Variants in GALM observed in about 807,000 individuals in gnomAD.
The protein encoded by GALM is galactose mutarotase.
GALM carries 43 observed loss-of-function variants against 37.4 expected under a neutral mutation model. That is an observed-to-expected ratio of 1.15 (90% CI 0.90 to 1.48). GALM has a LOEUF of 1.48. GALM is among the 40% of genes most tolerant of loss of function. The pLI, the probability that GALM is intolerant of heterozygous loss-of-function variation, is 0.00. For synonymous variants in GALM, 199 were observed against 170.6 expected, an observed-to-expected ratio of 1.17 and a Z score of -1.30; for missense variants, 456 against 419.1, an observed-to-expected ratio of 1.09 and a Z score of -0.77.
At position 38,733,822 on chromosome 2, in the gene GALM, C is replaced by T; in HGVS notation, c.*257C>T. The T allele has an allele frequency of 4.2e-6, 2 of 471,110 alleles. No individual in the cohort carries two copies. Among genetic ancestry groups the T allele is most frequent in the Non-Finnish European group, 7.8e-6 (2 of 257,324 alleles). The allele number at this position is 471,110 out of a possible 1,614,324, so 29.2% of individuals were successfully genotyped here. ...CAACCAACAATGTCGTCATCTAAGCCCTGACCCTAGCCAGGGACTCCCATG... is the reference window on the plus strand; with the variant it reads ...CAACCAACAATGTCGTCATCTAAGCTCTGACCCTAGCCAGGGACTCCCATG... On this transcript the variant is annotated 3_prime_UTR_variant, in exon 7 of 7. Transcript: ENST00000272252.
chr2:38,704,139 T>C (rs1038847445), intron 4 of GALM, among the ~76,000 whole-genome samples: 3 of 151,944 alleles, frequency 2.0e-5, no homozygotes, highest in Admixed American at 6.5e-5. Context: ...TTATCTTTTT[T>C]CCTCTTTCAA....
At chr2:38,696,436 T>TTC (rs1665807412) in intron 4 of GALM, among the ~76,000 whole-genome samples, 1 of 148,118 alleles carries the variant, frequency 6.8e-6, no homozygotes, top group Non-Finnish European at 1.5e-5. Flanking sequence ...TTCTTTTCTT[T>TTC]TTTTTTTTTT....
At chr2:38,704,732 T>C (rs1362909296) in intron 4 of GALM, among the ~76,000 whole-genome samples, 5 of 151,824 alleles carry the variant, frequency 3.3e-5, no homozygotes, top group African/African-American at 1.2e-4. Flanking sequence ...AGTAAAAAAG[T>C]TAAACTCATG....
intron 4 of GALM, among the ~76,000 whole-genome samples, chr2:38,712,758 G>GA (rs1666196488): frequency 6.6e-6 from 1 of 152,194 alleles, no homozygotes; most frequent in African/African-American, 2.4e-5. Flanking sequence ...AGGAGCGCAG[G>GA]ACAGCAATCT....
chr2:38,677,053 C>A (rs1665276583), intron 2 of GALM, among the ~76,000 whole-genome samples: 1 of 152,218 alleles, frequency 6.6e-6, no homozygotes, highest in African/African-American at 2.4e-5. Context: ...ATTCTTTAAG[C>A]AGATCCCTAG....
In GALM at chr2:38,674,222, G is replaced by A. The variant is rs1421361393; in HGVS notation, c.191-1690G>A. ...TTTTTTTTTTTTTTGAGACAGTCTCGCTCTGTCGCCAGGCTGGAGTGCAAT... is the reference window on the plus strand; with the variant it reads ...TTTTTTTTTTTTTTGAGACAGTCTCACTCTGTCGCCAGGCTGGAGTGCAAT... On this transcript the variant is annotated intron_variant, in intron 1 of 6. Coordinates refer to ENST00000272252, the MANE Select transcript of GALM (RefSeq NM_138801.3). Among the ~76,000 whole-genome samples the A allele has an allele frequency of 6.4e-5, 9 of 141,064 alleles. No homozygotes were observed. The East Asian group carries it at 1.6e-3, about 26-fold the overall frequency. 92.5% of individuals were successfully genotyped at this position (141,064 alleles called of 152,430 possible). A position where few individuals can be genotyped will look rare whatever the true frequency, so the allele number is the denominator to read the frequency against.
chr2:38,681,234 C>G (rs748420909), intron 2 of GALM, 46 bp from the exon 3 acceptor site: 4 of 1,400,580 alleles, frequency 2.9e-6, no homozygotes, highest in Non-Finnish European at 4.1e-6. Flanking sequence ...TGGCATTTAG[C>G]TTGAGGATGG....
At chr2:38,697,789 A>G (rs1356520411) in intron 4 of GALM, among the ~76,000 whole-genome samples, 1 of 152,164 alleles carries the variant, frequency 6.6e-6, no homozygotes. Context: ...GTATGCAGTT[A>G]CAGGGAGCCA....
At chr2:38,670,142 G>A (rs1261617055) in intron 1 of GALM, among the ~76,000 whole-genome samples, 2 of 152,006 alleles carry the variant, frequency 1.3e-5, no homozygotes, top group African/African-American at 4.8e-5. Flanking sequence ...GGGATTACAG[G>A]TGTGAGCCAC....
chr2:38,673,178 C>T (rs1026626676), intron 1 of GALM, among the ~76,000 whole-genome samples: 1 of 152,208 alleles, frequency 6.6e-6, no homozygotes, highest in Non-Finnish European at 1.5e-5. Flanking sequence ...TGACCTGTAA[C>T]TGGCCTAATC....
At chr2:38,668,614 A>G (rs1210172310) in intron 1 of GALM, 1 of 152,098 alleles carries the variant, frequency 6.6e-6, no homozygotes, top group Non-Finnish European at 1.5e-5. Context: ...GTATATATAA[A>G]CAAACAGAGG....
chr2:38,669,927 A>C (rs1469900149), intron 1 of GALM, among the ~76,000 whole-genome samples: 2 of 147,682 alleles, frequency 1.4e-5, no homozygotes, highest in African/African-American at 2.5e-5. Context: ...CAGTGGCGCT[A>C]TCTCGGCTCA....
chr2:38,729,719 G>C (rs369978797), intron 5 of GALM, 22 bp downstream of exon 5: 2 of 1,593,658 alleles, frequency 1.3e-6, no homozygotes, highest in Non-Finnish European at 1.7e-6. Flanking sequence ...TTCACTTCCT[G>C]AGTCTGTAAG....
intron 4 of GALM, among the ~76,000 whole-genome samples, chr2:38,726,511 C>T (rs1457300732): frequency 1.3e-5 from 2 of 152,066 alleles, no homozygotes; most frequent in African/African-American, 4.8e-5. Flanking sequence ...CAGGCATGAG[C>T]CACCCCGCCT....
intron 1 of GALM, chr2:38,668,588 C>T (rs1665012420): frequency 6.6e-6 from 1 of 152,006 alleles, no homozygotes; most frequent in Non-Finnish European, 1.5e-5. Context: ...TTCTTTTAAA[C>T]CATCAGAGTA....
chr2:38,701,884 A>C (rs2148443294), intron 4 of GALM, among the ~76,000 whole-genome samples: 1 of 152,242 alleles, frequency 6.6e-6, no homozygotes, highest in Non-Finnish European at 1.5e-5. Flanking sequence ...TTTATTATAT[A>C]ATTCTAAAAT....
chr2:38,715,374 C>A (rs1193629527), intron 4 of GALM, among the ~76,000 whole-genome samples: 1 of 152,188 alleles, frequency 6.6e-6, no homozygotes, highest in Non-Finnish European at 1.5e-5. Context: ...AGTTCAGTAA[C>A]CTGCACAAAG....
At chr2:38,713,907 A>C (rs78582856) in intron 4 of GALM, among the ~76,000 whole-genome samples, 25 of 118,570 alleles carry the variant, frequency 2.1e-4, no homozygotes, top group Middle Eastern at 4.3e-3. Flanking sequence ...CCTGCTTCAA[A>C]AAAAAAAAAA....
At chr2:38,731,396 CAAAAAAAAAAA>C (rs66613702) in intron 5 of GALM, among the ~76,000 whole-genome samples, 52 of 121,640 alleles carry the variant, frequency 4.3e-4, no homozygotes, top group East Asian at 8.0e-4. Flanking sequence ...GACTCTATTT[CAAAAAAAAAAA>C]AAAAAAAAAA....
Sources: gnomAD v4.1 joint callset for allele counts (sites outside exome capture counted in the v4.1 genomes callset) on GRCh38, gnomAD v4.1.1 for gene constraint, MANE v1.5 for transcripts, NCBI Gene and HGNC (gene_info 2026-07-23, HGNC 2026-07-21) for gene names.